SGCZ: variants seen among roughly 807,000 people sequenced by gnomAD.
The protein encoded by SGCZ is sarcoglycan zeta.
In SGCZ, 40 loss-of-function variants were observed where a neutral mutation model predicts 41.3. The ratio of observed to expected loss-of-function variants is 0.97; its 90% CI spans 0.75 to 1.26. SGCZ has a LOEUF of 1.26. Ranked by LOEUF, SGCZ falls within the 50% of genes most tolerant of loss-of-function variation. The pLI, the probability that SGCZ is intolerant of heterozygous loss-of-function variation, is 0.00. For missense variants in SGCZ, 552 were observed against 369.8 expected (o/e 1.49, Z -4.04); for synonymous variants, 206 against 137.5 (o/e 1.50, Z -3.49).
chr8:14,300,074 G>A (rs1239491680), intron 3 of SGCZ, among the ~76,000 whole-genome samples: 1 of 151,892 alleles, frequency 6.6e-6, no homozygotes, highest in Non-Finnish European at 1.5e-5. Context: ...TAATTGCTTG[G>A]GATTGGCAGG....
intron 1 of SGCZ, among the ~76,000 whole-genome samples, chr8:14,649,106 G>C (rs1425788206): frequency 6.6e-6 from 1 of 152,096 alleles, no homozygotes; most frequent in Non-Finnish European, 1.5e-5. Flanking sequence ...TCTTCTCTAA[G>C]TCTTAAGGAA....
intron 1 of SGCZ, among the ~76,000 whole-genome samples, chr8:15,099,216 G>A (rs1806508513): frequency 6.6e-6 from 1 of 152,084 alleles, no homozygotes; most frequent in Non-Finnish European, 1.5e-5. Flanking sequence ...GATTGGCCTT[G>A]TGTCTTCAAT....
chr8:14,376,206 G>A (rs550004091), intron 2 of SGCZ, among the ~76,000 whole-genome samples: 1 of 152,284 alleles, frequency 6.6e-6, no homozygotes, highest in East Asian at 1.9e-4. Flanking sequence ...AGCTACACAG[G>A]AGGCTGAGGC....
rs549671223 is a variant in SGCZ, at chr8:14,367,575, C to A, written c.235-43371G>T. ...GCATTTCTGGGGAGGCCTCAGGAAA[C>A]TTATAATCATGGCAGAAGGCGAAAG... On this transcript the variant is annotated intron_variant, in intron 2 of 7. Coordinates refer to ENST00000382080, the MANE Select transcript of SGCZ (RefSeq NM_139167.4). 5.5e-4 allele frequency among the ~76,000 whole-genome samples: 84 copies of A among 152,166 alleles called. 1 individual carries two copies. Among genetic ancestry groups the A allele is most frequent in the Admixed American group, 1.2e-3 (19 of 15,266 alleles).
At chr8:14,977,529 T>A (rs1655578405) in intron 1 of SGCZ, among the ~76,000 whole-genome samples, 1 of 152,222 alleles carries the variant, frequency 6.6e-6, no homozygotes, top group Non-Finnish European at 1.5e-5. Context: ...AAAGAGAGTT[T>A]ATTATGTTCC....
At chr8:14,858,738 T>C (rs1319639855) in intron 1 of SGCZ, among the ~76,000 whole-genome samples, 1 of 152,130 alleles carries the variant, frequency 6.6e-6, no homozygotes, top group Non-Finnish European at 1.5e-5. Flanking sequence ...ATCTGGAAAA[T>C]ACTGGTTCAC....
chr8:14,241,312 G>A (rs1383981001), intron 3 of SGCZ, among the ~76,000 whole-genome samples: 1 of 151,286 alleles, frequency 6.6e-6, no homozygotes, highest in Admixed American at 6.6e-5. Context: ...AATCTATTTT[G>A]TTGATATTTT....
chr8:15,072,888 C>G (rs949811746), intron 1 of SGCZ, among the ~76,000 whole-genome samples: 60 of 152,136 alleles, frequency 3.9e-4, no homozygotes, highest in African/African-American at 1.4e-3. Context: ...GAAGGATGTT[C>G]TCTCTAGGGT....
chr8:14,566,716 C>A (rs759113152), intron 1 of SGCZ, among the ~76,000 whole-genome samples: 25 of 152,258 alleles, frequency 1.6e-4, no homozygotes, highest in Non-Finnish European at 3.4e-4. Flanking sequence ...GGCGCCCACT[C>A]TGGCCGTACT....
At chr8:14,362,658 G>T (rs1335599091) in intron 2 of SGCZ, among the ~76,000 whole-genome samples, 1 of 152,126 alleles carries the variant, frequency 6.6e-6, no homozygotes, top group African/African-American at 2.4e-5. Context: ...CCCCAGATGA[G>T]GCGACACCCC....
intron 1 of SGCZ, among the ~76,000 whole-genome samples, chr8:15,186,780 T>A (rs905392017): frequency 2.6e-5 from 4 of 152,194 alleles, no homozygotes; most frequent in Non-Finnish European, 5.9e-5. Flanking sequence ...CGCCTATAAT[T>A]AGTGAGACAA....
At chr8:15,236,938 C>G (rs1175212486) in intron 1 of SGCZ, among the ~76,000 whole-genome samples, 3 of 152,172 alleles carry the variant, frequency 2.0e-5, no homozygotes, top group African/African-American at 7.2e-5. Context: ...CGGACCTGCT[C>G]CCGCGCCTGG....
chr8:14,181,133 G>C (rs1412806314), intron 4 of SGCZ, among the ~76,000 whole-genome samples: 1 of 152,122 alleles, frequency 6.6e-6, no homozygotes, highest in Non-Finnish European at 1.5e-5. Flanking sequence ...GGGCCAACGG[G>C]AGAAAACCCA....
intron 1 of SGCZ, among the ~76,000 whole-genome samples, chr8:15,100,164 T>TCA (rs2131079948): frequency 6.6e-6 from 1 of 152,272 alleles, no homozygotes; most frequent in African/African-American, 2.4e-5. Flanking sequence ...AATAAGACCC[T>TCA]TGAATTTTCG....
rs964374979 is a variant in SGCZ, at chr8:14,945,635, G to A, written c.39+291950C>T. On this transcript the variant is annotated intron_variant, in intron 1 of 7. Transcript: ENST00000382080. The stretch of plus-strand genomic sequence containing the variant: ...GCGTTTCCGGAGGAGATTGGCATGT[G>A]AGTTGCCAGACTGAGGGGGGAGATC... Among the ~76,000 whole-genome samples the A allele has an allele frequency of 4.1e-4, 61 of 150,576 alleles. 1 individual carries two copies. Among genetic ancestry groups the A allele is most frequent in the Admixed American group, 3.5e-3 (53 of 15,130 alleles).
rs564638305 is a variant in SGCZ at position 15,034,542 on chromosome 8, T to C, written c.39+203043A>G. 3.3e-5 allele frequency among the ~76,000 whole-genome samples: 5 copies of C among 152,208 alleles called. No individual in the cohort carries two copies. The East Asian group carries it at 9.7e-4, about 29-fold the overall frequency. On this transcript the variant is annotated intron_variant, in intron 1 of 7. Coordinates refer to ENST00000382080, the MANE Select transcript of SGCZ (RefSeq NM_139167.4). The stretch of plus-strand genomic sequence containing the variant: ...GAAATAAAGAGGTAGAAAGAATATT[T>C]GAAGAAATAATAGCAGAAAAACTTT...
intron 2 of SGCZ, among the ~76,000 whole-genome samples, chr8:14,511,134 C>G (rs1245956779): frequency 1.3e-5 from 2 of 151,828 alleles, no homozygotes; most frequent in Non-Finnish European, 2.9e-5. Flanking sequence ...TACTTGAGGA[C>G]TAGTAATTGT....
At chr8:15,057,326 A>C (rs76450959) in intron 1 of SGCZ, among the ~76,000 whole-genome samples, 3,256 of 152,296 alleles carry the variant, frequency 0.021, 107 homozygotes, top group African/African-American at 0.073. Context: ...GGGACTCCCT[A>C]CTTGGTGTTC....
intron 1 of SGCZ, among the ~76,000 whole-genome samples, chr8:14,845,045 G>T (rs188454485): frequency 6.6e-6 from 1 of 152,280 alleles, no homozygotes; most frequent in African/African-American, 2.4e-5. Context: ...GAGCTGCATA[G>T]AGGGTGAATT....
Sources: allele counts gnomAD v4.1 joint callset (sites outside exome capture counted in the v4.1 genomes callset), GRCh38; gene constraint gnomAD v4.1.1; transcripts MANE v1.5; gene names NCBI Gene and HGNC (gene_info 2026-07-23, HGNC 2026-07-21).